The following DST variants were observed in gnomAD, a reference collection of about 807,000 sequenced individuals.
The protein encoded by DST is bullous pemphigoid antigen.
DST carries 253 observed loss-of-function variants against 875.2 expected under a neutral mutation model. That is an observed-to-expected ratio of 0.29 (90% CI 0.26 to 0.32). The LOEUF (loss-of-function observed/expected upper bound fraction) is 0.32, where lower values mean the gene tolerates loss of function less well. Ranked by LOEUF, DST falls within the 10% of genes least tolerant of loss-of-function variation. DST has a pLI of 1.00. For synonymous variants in DST, 3,124 were observed against 3,197.1 expected, an observed-to-expected ratio of 0.98 and a Z score of 0.77; for missense variants, 8,287 against 9,111.6, an observed-to-expected ratio of 0.91 and a Z score of 3.68.
intron 28 of DST, among the ~76,000 whole-genome samples, chr6:56,632,409 T>C (rs761581448): frequency 6.6e-6 from 1 of 152,100 alleles, no homozygotes; most frequent in Non-Finnish European, 1.5e-5. Context: ...TGTTTAAGAT[T>C]TTTAAAAAAT....
Position 56,714,911 on chromosome 6 carries a change from C to CAG in DST, c.688-10544_688-10543dup, listed in dbSNP as rs1408557641. Among the ~76,000 whole-genome samples, 1 of 152,148 alleles carries CAG rather than the reference C, an allele frequency of 6.6e-6. No individual in the cohort carries two copies. The highest frequency in any genetic ancestry group is 1.5e-5 in the Non-Finnish European group (1 of 68,024). On this transcript the variant is annotated intron_variant, in intron 5 of 103. Coordinates refer to ENST00000680361, the MANE Select transcript of DST (RefSeq NM_001374736.1). This position sits in a 1 kb window ranked among gnomAD's most constrained non-coding sequence, Gnocchi z 4.5. ...CACTCCCATATTCTTTGGATTATAC[C>CAG]AGTACACCAATCATCATTTTACTTA...
chr6:56,566,437 C>G (rs778792844), intron 55 of DST, among the ~76,000 whole-genome samples: 1 of 152,158 alleles, frequency 6.6e-6, no homozygotes, highest in Non-Finnish European at 1.5e-5. Context: ...CACAGCTTCC[C>G]TTGGCTAGGC....
intron 64 of DST, among the ~76,000 whole-genome samples, chr6:56,531,846 C>T (rs2096901101): frequency 1.3e-5 from 2 of 151,854 alleles, no homozygotes; most frequent in Non-Finnish European, 2.9e-5. Flanking sequence ...TCTTTGTTTC[C>T]TAGCTCCCAT....
chr6:56,835,424 T>C (rs1422736968), intron 4 of DST, among the ~76,000 whole-genome samples: 3 of 152,206 alleles, frequency 2.0e-5, no homozygotes, highest in Non-Finnish European at 2.9e-5. Context: ...AGTACCGATA[T>C]AAATATGAGA....
intron 10 of DST, among the ~76,000 whole-genome samples, chr6:56,658,248 A>G (rs2099020657): frequency 6.6e-6 from 1 of 152,210 alleles, no homozygotes; most frequent in Non-Finnish European, 1.5e-5. Flanking sequence ...ATTTGAGAGA[A>G]AAGCCTAAAT....
rs761807375 is a variant in DST at position 56,552,573 on chromosome 6, T to A, written c.16219A>T (p.Ser5407Cys). ...GCATCTCTCCCCACTGGAGCCATGC[T>A]ATCCAGTTCATCATCAAACTCTGCG... is the stretch of plus-strand genomic sequence containing the variant. The part of the protein sequence containing the change: ...QFAEFDDELD[S>C]MAPVGRDAET... The change falls in exon 61 of 104, where the codon AGC becomes TGC. Residue 5407 changes from serine (S) to cysteine (C), a missense_variant. Ser to Cys is a moderately radical substitution (Grantham distance 112). Coordinates refer to ENST00000680361, the MANE Select transcript of DST (RefSeq NM_001374736.1). The A allele has an allele frequency of 1.5e-5, 24 of 1,613,932 alleles. No homozygotes were observed. The highest frequency in any genetic ancestry group is 2.0e-5 in the Non-Finnish European group (24 of 1,179,896).
chr6:56,675,536 A>G (rs2099123970), intron 9 of DST, among the ~76,000 whole-genome samples: 1 of 152,198 alleles, frequency 6.6e-6, no homozygotes, highest in African/African-American at 2.4e-5. Flanking sequence ...TATATAAGGA[A>G]CTAAAACAAC....
intron 4 of DST, among the ~76,000 whole-genome samples, chr6:56,801,583 A>G (rs1309629522): frequency 6.6e-6 from 1 of 152,118 alleles, no homozygotes; most frequent in Non-Finnish European, 1.5e-5. Context: ...ATGTAACTTC[A>G]TCTTTATAAC....
intron 28 of DST, among the ~76,000 whole-genome samples, chr6:56,632,551 G>A (rs1253431572): frequency 6.6e-6 from 1 of 152,160 alleles, no homozygotes; most frequent in Non-Finnish European, 1.5e-5. Context: ...TGGTAAATGG[G>A]AAAATAATTG....
chr6:56,603,107 GAGTT>G, intron 42 of DST, 76 bp from the exon 43 acceptor site: 4 of 1,542,674 alleles, frequency 2.6e-6, no homozygotes, highest in Non-Finnish European at 3.5e-6. Context: ...TGTGGTTTAA[GAGTT>G]AGCACTCTAA....
chr6:56,547,700 C>A (rs139999980), intron 61 of DST, among the ~76,000 whole-genome samples: 1 of 152,288 alleles, frequency 6.6e-6, no homozygotes, highest in East Asian at 1.9e-4. Flanking sequence ...GTTTCTGGAT[C>A]ATTTGATAAA....
Position 56,954,570 on chromosome 6 carries a change from G to A in DST, c.18C>T (p.Phe6=), listed in dbSNP as rs756755478. MIAAA[F]LVLLRPYSIQ... is the part of the protein sequence containing the mutation. ...TGCTGTAGGGTCTCAGCAAGACGAG[G>A]AAAGCCGCGGCGATCATGGTGCGGG... Residue 6 remains phenylalanine, a synonymous_variant, in exon 1 of 104, where the codon TTC becomes TTT. Coordinates refer to ENST00000680361, the MANE Select transcript of DST (RefSeq NM_001374736.1). 43 of 1,360,212 alleles carry A rather than the reference G, an allele frequency of 3.2e-5. No homozygotes were observed. Among genetic ancestry groups the A allele is most frequent in the Non-Finnish European group, 4.1e-5 (42 of 1,018,648 alleles). 84.3% of individuals were successfully genotyped at this position (1,360,212 alleles called of 1,614,324 possible).
At chr6:56,514,160 T>C (rs2096542644) in intron 72 of DST, among the ~76,000 whole-genome samples, 1 of 152,248 alleles carries the variant, frequency 6.6e-6, no homozygotes, top group Non-Finnish European at 1.5e-5. Flanking sequence ...AATGAGCCTT[T>C]CCATACTATT....
chr6:56,700,435 T>C (rs1364747677), intron 8 of DST, among the ~76,000 whole-genome samples: 1 of 152,202 alleles, frequency 6.6e-6, no homozygotes, highest in Non-Finnish European at 1.5e-5. Context: ...TAAATTTTAT[T>C]TTACTTTTAC....
intron 4 of DST, among the ~76,000 whole-genome samples, chr6:56,808,931 C>T (rs1157348088): frequency 1.3e-5 from 2 of 152,146 alleles, no homozygotes; most frequent in Admixed American, 6.5e-5. Flanking sequence ...TGGTGTAAGT[C>T]TGGTTTATAT....
At position 56,501,231 on chromosome 6, in the gene DST, T is replaced by A; in HGVS notation, c.19745A>T (p.Lys6582Ile). Residue 6582 changes from lysine (K) to isoleucine (I), a missense_variant, in exon 80 of 104, where the codon AAA becomes ATA. Lys to Ile is a moderately radical substitution (Grantham distance 102, BLOSUM62 -3). Transcript: ENST00000680361. ...LEERIINRQH[K>I]LEGALLALGQ... ...CAAGGCTAATAGAGCACCCTCCAGT[T>A]TATGCTACAGAAAAAGTGGAAAGAA... The A allele has an allele frequency of 1.3e-6, 2 of 1,581,298 alleles. No homozygotes were observed. The highest frequency in any genetic ancestry group is 1.7e-6 in the Non-Finnish European group (2 of 1,170,324).
At chr6:56,861,303 T>C (rs1591794870) in intron 3 of DST, among the ~76,000 whole-genome samples, 2 of 152,242 alleles carry the variant, frequency 1.3e-5, no homozygotes, top group Admixed American at 1.3e-4. Flanking sequence ...CTGTTCCATG[T>C]ACATTCAGTG....
intron 60 of DST, among the ~76,000 whole-genome samples, chr6:56,555,022 G>T (rs58933364): frequency 0.018 from 2,745 of 152,236 alleles, 76 homozygotes; most frequent in African/African-American, 0.063. Context: ...AACTATTCAT[G>T]TTTTTTTCTG....
chr6:56,596,439 G>C (rs190354115), intron 47 of DST, among the ~76,000 whole-genome samples: 2 of 152,272 alleles, frequency 1.3e-5, no homozygotes, highest in Admixed American at 1.3e-4. Context: ...ATATCTTTAT[G>C]TTTAAGTCTA....
Sources: gnomAD v4.1 joint callset for allele counts (sites outside exome capture counted in the v4.1 genomes callset) on GRCh38, gnomAD v4.1.1 for gene constraint, Gnocchi (gnomAD v3.1) non-coding constraint, MANE v1.5 for transcripts, NCBI Gene and HGNC (gene_info 2026-07-23, HGNC 2026-07-21) for gene names.